The following RBKS variants were observed in gnomAD, a reference collection of about 807,000 sequenced individuals.
The protein encoded by RBKS is ribokinase.
A neutral mutation model predicts 33.9 loss-of-function variants in RBKS; 33 were observed. That is an observed-to-expected ratio of 0.97 (90% CI 0.74 to 1.30). The LOEUF is 1.30. RBKS is among the 50% of genes most tolerant of loss of function. The pLI, the probability that RBKS is intolerant of heterozygous loss-of-function variation, is 0.00. For synonymous variants in RBKS, 125 were observed against 143.0 expected, an observed-to-expected ratio of 0.87 and a Z score of 0.90; for missense variants, 361 against 392.6, an observed-to-expected ratio of 0.92 and a Z score of 0.68.
intron 5 of RBKS, among the ~76,000 whole-genome samples, chr2:27,834,130 T>A (rs747891324): frequency 6.6e-6 from 1 of 152,216 alleles, no homozygotes; most frequent in African/African-American, 2.4e-5. Flanking sequence ...TTGGCACTAA[T>A]GCATTCCACA....
chr2:27,845,698 C>T (rs1663608311), intron 4 of RBKS, among the ~76,000 whole-genome samples: 1 of 152,122 alleles, frequency 6.6e-6, no homozygotes, highest in Non-Finnish European at 1.5e-5. Context: ...ATTATTGCTA[C>T]TTGGAATCAC....
chr2:27,871,028 T>G, intron 1 of RBKS: 4 of 388,090 alleles, frequency 1.0e-5, no homozygotes, highest in Non-Finnish European at 2.1e-5. Context: ...TTTCATCAAT[T>G]TGTCTAGTTA....
intron 1 of RBKS, among the ~76,000 whole-genome samples, chr2:27,863,202 C>T (rs888440940): frequency 2.6e-5 from 4 of 152,158 alleles, no homozygotes; most frequent in Admixed American, 6.5e-5. Context: ...AAAACAAATT[C>T]ATAGCTTTTA....
chr2:27,843,111 G>A lies in RBKS; in HGVS notation c.470C>T (p.Pro157Leu), dbSNP rs781657480. ...KVMVCQLEIT[P>L]ATSLEALTMA... Reference sequence around the variant, plus strand: ...TGTTAGGGCTTCCAAAGAAGTTGCTGGAGTTATTTCGAGCTGGCAGACCAT... The same window carrying A: ...TGTTAGGGCTTCCAAAGAAGTTGCTAGAGTTATTTCGAGCTGGCAGACCAT... Residue 157 changes from proline (P) to leucine (L), a missense_variant, in exon 5 of 8, where the codon CCA (proline) becomes CTA (leucine). Coordinates refer to ENST00000302188, the MANE Select transcript of RBKS (RefSeq NM_022128.3). 6.2e-6 allele frequency: 10 copies of A among 1,609,562 alleles called. No individual in the cohort carries two copies. In the Admixed American group the frequency reaches 1.7e-4, roughly 27 times the overall value.
At chr2:27,815,353 G>A (rs550597221) in intron 7 of RBKS, among the ~76,000 whole-genome samples, 2 of 152,134 alleles carry the variant, frequency 1.3e-5, no homozygotes, top group Admixed American at 1.3e-4. Context: ...GACTACAGAC[G>A]TGTGCCACCA....
chr2:27,868,263 G>C (rs370873591), intron 1 of RBKS, among the ~76,000 whole-genome samples: 1 of 151,956 alleles, frequency 6.6e-6, no homozygotes, highest in East Asian at 1.9e-4. Context: ...TACTATTTTT[G>C]GTGATCATAT....
intron 7 of RBKS, among the ~76,000 whole-genome samples, chr2:27,789,908 T>TATAGA (rs1255636733): frequency 2.4e-5 from 3 of 125,780 alleles, no homozygotes; most frequent in African/African-American, 1.0e-4. Flanking sequence ...AGAGTGTGTG[T>TATAGA]GTGTGTGTTT....
intron 2 of RBKS, among the ~76,000 whole-genome samples, chr2:27,850,355 T>G (rs767607681): frequency 1.3e-5 from 2 of 152,222 alleles, no homozygotes; most frequent in Non-Finnish European, 2.9e-5. Flanking sequence ...TAGTTTACAT[T>G]AGGGTTCACC....
intron 7 of RBKS, 115 bp downstream of exon 7, chr2:27,827,452 C>T: frequency 2.3e-6 from 2 of 858,730 alleles, no homozygotes; most frequent in Non-Finnish European, 3.4e-6. Flanking sequence ...TCTCTTTTAC[C>T]ATATCACTTA....
intron 1 of RBKS, among the ~76,000 whole-genome samples, chr2:27,885,818 T>A (rs1664515968): frequency 6.6e-6 from 1 of 152,192 alleles, no homozygotes; most frequent in Non-Finnish European, 1.5e-5. Context: ...CCTCTGCACA[T>A]CAGGAAGTGC....
At chr2:27,885,659 T>G (rs1664512785) in intron 1 of RBKS, among the ~76,000 whole-genome samples, 2 of 152,170 alleles carry the variant, frequency 1.3e-5, no homozygotes, top group Admixed American at 1.3e-4. Context: ...AATCTAAACT[T>G]CCTATTCCCA....
intron 1 of RBKS, among the ~76,000 whole-genome samples, chr2:27,877,363 T>C (rs543545296): frequency 1.6e-4 from 24 of 152,282 alleles, no homozygotes; most frequent in African/African-American, 5.8e-4. Context: ...TTTTTATGTT[T>C]ATATCTTCTG....
chr2:27,868,251 T>C (rs1664137373), intron 1 of RBKS, among the ~76,000 whole-genome samples: 1 of 152,224 alleles, frequency 6.6e-6, no homozygotes, highest in Admixed American at 6.5e-5. Flanking sequence ...TTTTAATTTA[T>C]CTACTATTTT....
At chr2:27,873,092 C>A (rs1664246347) in intron 1 of RBKS, among the ~76,000 whole-genome samples, 1 of 152,154 alleles carries the variant, frequency 6.6e-6, no homozygotes, top group Admixed American at 6.5e-5. Flanking sequence ...TTCCTAGGAA[C>A]CTTCCCTGGT....
At chr2:27,879,541 C>T (rs764921843) in intron 1 of RBKS, among the ~76,000 whole-genome samples, 1 of 152,136 alleles carries the variant, frequency 6.6e-6, no homozygotes, top group Non-Finnish European at 1.5e-5. Flanking sequence ...ATTCTTCTAC[C>T]ATGGAATGAT....
At chr2:27,876,620 T>C (rs976555067) in intron 1 of RBKS, among the ~76,000 whole-genome samples, 18 of 152,048 alleles carry the variant, frequency 1.2e-4, no homozygotes, top group African/African-American at 4.3e-4. Context: ...GTCAAATTCA[T>C]AGGGATAGAA....
At chr2:27,797,960 A>G (rs942943448) in intron 7 of RBKS, among the ~76,000 whole-genome samples, 3 of 152,104 alleles carry the variant, frequency 2.0e-5, no homozygotes, top group Non-Finnish European at 4.4e-5. Flanking sequence ...AAGTGGTTCC[A>G]AGGAGGTACT....
chr2:27,872,404 T>C (rs900317336), intron 1 of RBKS, among the ~76,000 whole-genome samples: 14 of 152,136 alleles, frequency 9.2e-5, no homozygotes, highest in African/African-American at 3.1e-4. Flanking sequence ...AGGTATGCGC[T>C]GTTTATGAGA....
At chr2:27,886,612 C>T (rs1170508258) in intron 1 of RBKS, among the ~76,000 whole-genome samples, 6 of 152,186 alleles carry the variant, frequency 3.9e-5, no homozygotes, top group South Asian at 2.1e-4. Flanking sequence ...CGGTGGCTCA[C>T]GCCTGTAACC....
Sources: allele counts gnomAD v4.1 joint callset (sites outside exome capture counted in the v4.1 genomes callset), GRCh38; gene constraint gnomAD v4.1.1; transcripts MANE v1.5; gene names NCBI Gene and HGNC (gene_info 2026-07-23, HGNC 2026-07-21).